Variants in CRY1 observed in about 807,000 individuals in gnomAD.
CRY1 encodes the protein cryptochrome circadian regulator 1, also known as cryptochrome-1.
CRY1 carries 45 observed loss-of-function variants against 76.0 expected under a neutral mutation model. The ratio of observed to expected loss-of-function variants is 0.59; its 90% CI spans 0.47 to 0.76. The LOEUF (loss-of-function observed/expected upper bound fraction) is 0.76, where lower values mean the gene tolerates loss of function less well. CRY1 is among the 30% of genes least tolerant of loss of function. CRY1 has a pLI of 0.00. For missense variants in CRY1, 587 were observed against 716.4 expected (o/e 0.82, Z 2.06); for synonymous variants, 248 against 244.0 (o/e 1.02, Z -0.15).
At chr12:107,082,678 G>A (rs965192590) in intron 1 of CRY1, among the ~76,000 whole-genome samples, 4 of 152,114 alleles carry the variant, frequency 2.6e-5, no homozygotes, top group African/African-American at 9.7e-5. Context: ...CAGAATCTCT[G>A]GGACACAGCT....
intron 1 of CRY1, among the ~76,000 whole-genome samples, chr12:107,039,519 G>C (rs1256433178): frequency 6.6e-6 from 1 of 152,140 alleles, no homozygotes; most frequent in African/African-American, 2.4e-5. Flanking sequence ...CATTTGAACA[G>C]GCATTTTTCT....
intron 1 of CRY1, among the ~76,000 whole-genome samples, chr12:107,042,717 G>A (rs1952811786): frequency 6.6e-6 from 1 of 152,134 alleles, no homozygotes; most frequent in African/African-American, 2.4e-5. Context: ...GAACACTGGG[G>A]TATATCACAG....
intron 2 of CRY1, among the ~76,000 whole-genome samples, chr12:107,011,488 T>C (rs537862285): frequency 2.0e-5 from 3 of 151,828 alleles, no homozygotes; most frequent in African/African-American, 7.3e-5. Flanking sequence ...AATGAACACA[T>C]GAATCATAAA....
At chr12:107,069,975 T>A (rs1485717539) in intron 1 of CRY1, among the ~76,000 whole-genome samples, 1 of 152,098 alleles carries the variant, frequency 6.6e-6, no homozygotes, top group African/African-American at 2.4e-5. Context: ...TTTATAAAGC[T>A]GGATAATTTT....
rs1180392695 is a variant in CRY1, at chr12:106,999,915, A to G, written c.825+27T>C. On this transcript the variant is annotated intron_variant, in intron 6 of 12. Coordinates refer to ENST00000008527, the MANE Select transcript of CRY1 (RefSeq NM_004075.5). ...TCAGAATTTTTTTTTAAAGTATTAA[A>G]CAATAAGCTCTAATTTTAGAGAATA... 1.9e-6 allele frequency: 3 copies of G among 1,592,060 alleles called. No individual in the cohort carries two copies. In the Admixed American group the frequency reaches 5.6e-5, roughly 30 times the overall value.
intron 1 of CRY1, among the ~76,000 whole-genome samples, chr12:107,033,119 T>C: frequency 6.6e-6 from 1 of 152,250 alleles, no homozygotes; most frequent in East Asian, 1.9e-4. Context: ...AAATAAATAA[T>C]TTTATGCAAA....
chr12:107,009,883 G>A (rs1039295834), intron 2 of CRY1, among the ~76,000 whole-genome samples: 1 of 151,700 alleles, frequency 6.6e-6, no homozygotes, highest in Non-Finnish European at 1.5e-5. Flanking sequence ...GTGGTATCAG[G>A]GTTATGCTGT....
Position 107,092,898 on chromosome 12 carries a change from T to G in CRY1, c.64A>C (p.Lys22Gln). The change falls in exon 1 of 13, where the codon AAG becomes CAG. Residue 22 changes from lysine to glutamine, a missense_variant. By Grantham distance (53) the Lys-to-Gln change is moderately conservative. Transcript: ENST00000008527. Reference sequence around the variant, plus strand: ...GTGTCGGCGCCCTGAATGCACTCCTTCAGGGCGGGGTTGTCGTGGAGCCGG... The same window carrying G: ...GTGTCGGCGCCCTGAATGCACTCCTGCAGGGCGGGGTTGTCGTGGAGCCGG... ...GLRLHDNPAL[K>Q]ECIQGADTIR... 1 of 1,609,516 alleles carries G rather than the reference T, an allele frequency of 6.2e-7. No individual in the cohort carries two copies. The highest frequency in any genetic ancestry group is 8.5e-7 in the Non-Finnish European group (1 of 1,179,012).
At chr12:106,996,224 T>C (rs1282245054) in intron 10 of CRY1, among the ~76,000 whole-genome samples, 1 of 152,178 alleles carries the variant, frequency 6.6e-6, no homozygotes, top group Non-Finnish European at 1.5e-5. Flanking sequence ...CATGAGGTGT[T>C]TGGTTTTCTG....
intron 1 of CRY1, among the ~76,000 whole-genome samples, chr12:107,043,962 C>T (rs1313311584): frequency 3.3e-5 from 5 of 152,164 alleles, no homozygotes; most frequent in Admixed American, 6.5e-5. Flanking sequence ...TGGAGTCAGG[C>T]CAGAGCTGTG....
chr12:107,043,911 T>C (rs937181451), intron 1 of CRY1, among the ~76,000 whole-genome samples: 2 of 152,042 alleles, frequency 1.3e-5, no homozygotes, highest in Admixed American at 6.5e-5. Flanking sequence ...CAGCTGAATT[T>C]TGCTCCCCAG....
At chr12:107,058,061 T>TA (rs1336431114) in intron 1 of CRY1, among the ~76,000 whole-genome samples, 3 of 151,198 alleles carry the variant, frequency 2.0e-5, no homozygotes, top group Admixed American at 6.6e-5. Context: ...GTCTCAAAAA[T>TA]AAAAAAACAA....
chr12:107,048,584 G>A (rs183972975), intron 1 of CRY1, among the ~76,000 whole-genome samples: 6 of 152,090 alleles, frequency 3.9e-5, no homozygotes, highest in Admixed American at 6.5e-5. Context: ...ACCAAATACC[G>A]TATGTCTCTC....
Position 107,001,801 on chromosome 12 carries a change from A to T in CRY1, c.558T>A (p.His186Gln). 1 of 1,578,266 alleles carries T rather than the reference A, an allele frequency of 6.3e-7. No homozygotes were observed. Among genetic ancestry groups the T allele is most frequent in the Non-Finnish European group, 8.5e-7 (1 of 1,171,098 alleles). ...EKCTTPLSDD[H>Q]DEKYGVPSLE... is the part of the protein sequence containing the mutation. ...GTGAAGGGACTCCATATTTCTCATC[A>T]TGGTCATCAGACAGAGGAGTTGTGC... is the stretch of plus-strand genomic sequence containing the variant. The change falls in exon 4 of 13, where the codon CAT becomes CAA. Residue 186 changes from histidine (H) to glutamine (Q), a missense_variant. Physicochemically the swap from His to Gln is conservative, Grantham distance 24. Coordinates refer to ENST00000008527, the MANE Select transcript of CRY1 (RefSeq NM_004075.5).
At chr12:107,051,786 C>G (rs1952924876) in intron 1 of CRY1, among the ~76,000 whole-genome samples, 1 of 152,102 alleles carries the variant, frequency 6.6e-6, no homozygotes, top group Non-Finnish European at 1.5e-5. Context: ...TCAAAAACCA[C>G]ATAGAGGTAA....
At chr12:107,090,344 C>T (rs974979239) in intron 1 of CRY1, among the ~76,000 whole-genome samples, 3 of 152,296 alleles carry the variant, frequency 2.0e-5, no homozygotes, top group Admixed American at 2.0e-4. Context: ...CTGCCTGCCT[C>T]AGCCTCCCAA....
intron 1 of CRY1, among the ~76,000 whole-genome samples, chr12:107,033,446 A>G (rs1952700380): frequency 6.6e-6 from 1 of 152,218 alleles, no homozygotes; most frequent in African/African-American, 2.4e-5. Context: ...AACCAGACAA[A>G]GACAGTATAA....
chr12:107,055,937 T>C (rs1952977084), intron 1 of CRY1, among the ~76,000 whole-genome samples: 1 of 152,198 alleles, frequency 6.6e-6, no homozygotes, highest in Admixed American at 6.5e-5. Context: ...GCTTAGGTTA[T>C]TTAGATCAAT....
chr12:107,057,884 C>T (rs969557454), intron 1 of CRY1, among the ~76,000 whole-genome samples: 5 of 151,528 alleles, frequency 3.3e-5, no homozygotes, highest in Non-Finnish European at 7.4e-5. Context: ...CAAAGTGAGA[C>T]GCCGTCTCTC....
Sources: gnomAD v4.1 joint callset for allele counts (sites outside exome capture counted in the v4.1 genomes callset) on GRCh38, gnomAD v4.1.1 for gene constraint, MANE v1.5 for transcripts, NCBI Gene and HGNC (gene_info 2026-07-23, HGNC 2026-07-21) for gene names.